AFDN: variants seen among roughly 807,000 people sequenced by gnomAD.
AFDN encodes the protein afadin, adherens junction formation factor.
In AFDN, 68 loss-of-function variants were observed where a neutral mutation model predicts 216.6. That is an observed-to-expected ratio of 0.31 (90% CI 0.26 to 0.38). AFDN has a LOEUF of 0.38. Ranked by LOEUF, AFDN falls within the 10% of genes least tolerant of loss-of-function variation. The pLI is 1.00. For synonymous variants in AFDN, 868 were observed against 853.7 expected (o/e 1.02, Z -0.29); for missense variants, 2,136 against 2,342.0 (o/e 0.91, Z 1.82).
At chr6:167,954,868 A>G (rs1274105564) in intron 30 of AFDN, among the ~76,000 whole-genome samples, 1 of 152,052 alleles carries the variant, frequency 6.6e-6, no homozygotes, top group Non-Finnish European at 1.5e-5. Flanking sequence ...GTTGTTATAA[A>G]CTCAGCTGAA....
intron 8 of AFDN, among the ~76,000 whole-genome samples, chr6:167,892,351 T>TTTGG (rs1261854473): frequency 6.6e-6 from 1 of 152,172 alleles, no homozygotes; most frequent in Non-Finnish European, 1.5e-5. Flanking sequence ...AGCATTGATG[T>TTTGG]TTGGTTGTCT....
chr6:167,893,255 CATT>C (rs1413718015), intron 8 of AFDN, among the ~76,000 whole-genome samples: 1 of 152,174 alleles, frequency 6.6e-6, no homozygotes, highest in Non-Finnish European at 1.5e-5. Flanking sequence ...TTTAGGTTTT[CATT>C]ATTATGCATT....
chr6:167,913,604 T>C, intron 16 of AFDN, 181 bp downstream of exon 16: 1 of 583,640 alleles, frequency 1.7e-6, no homozygotes, highest in Non-Finnish European at 3.0e-6. Flanking sequence ...CATTTCATAA[T>C]TTCTGCTTAA....
chr6:167,827,260 C>A, intron 1 of AFDN, 23 bp downstream of exon 1: 5 of 1,024,978 alleles, frequency 4.9e-6, no homozygotes, highest in Non-Finnish European at 4.8e-6. Flanking sequence ...GGGCGCGGGG[C>A]CTGCGCGACC....
chr6:167,892,033 C>T (rs1787679984), intron 8 of AFDN, among the ~76,000 whole-genome samples: 1 of 152,060 alleles, frequency 6.6e-6, no homozygotes, highest in Non-Finnish European at 1.5e-5. Flanking sequence ...TAGGTTATTG[C>T]AATTAACTAA....
chr6:167,841,967 T>A (rs1005399155), intron 1 of AFDN, among the ~76,000 whole-genome samples: 6 of 152,168 alleles, frequency 3.9e-5, no homozygotes, highest in African/African-American at 1.4e-4. Flanking sequence ...TTTTCTCTTC[T>A]GTTAAAAGGC....
At chr6:167,903,840 C>T (rs943310732) in intron 12 of AFDN, among the ~76,000 whole-genome samples, 7 of 152,200 alleles carry the variant, frequency 4.6e-5, no homozygotes, top group African/African-American at 1.7e-4. Flanking sequence ...GTCAGGGGGA[C>T]TGATGACCTC....
intron 17 of AFDN, 80 bp from the exon 18 acceptor site, chr6:167,914,564 G>T: frequency 9.1e-7 from 1 of 1,095,250 alleles, no homozygotes. Flanking sequence ...TAAGAGTCCA[G>T]ATTGTTTCCC....
In AFDN at chr6:167,915,789, A is replaced by C. The variant is rs557228350; in HGVS notation, c.2565+356A>C. On this transcript the variant is annotated intron_variant, in intron 19 of 33. Coordinates refer to ENST00000683244, the MANE Select transcript of AFDN (RefSeq NM_001386888.1). ...TGTTTTCTGATAATTTAATGTACAC[A>C]AACTTTGTTTCATGCACAAAGTTAT... Among the ~76,000 whole-genome samples, 28 of 152,384 alleles carry C rather than the reference A, an allele frequency of 1.8e-4. No individual in the cohort carries two copies. In the East Asian group the frequency reaches 4.4e-3, roughly 24 times the overall value.
chr6:167,913,030 C>A (rs936031105), intron 15 of AFDN, among the ~76,000 whole-genome samples: 1 of 152,058 alleles, frequency 6.6e-6, no homozygotes, highest in Non-Finnish European at 1.5e-5. Context: ...TTATTAGGTA[C>A]CTTTTAAGTA....
chr6:167,854,278 T>C (rs922725277), intron 1 of AFDN, among the ~76,000 whole-genome samples: 1 of 152,042 alleles, frequency 6.6e-6, no homozygotes, highest in Non-Finnish European at 1.5e-5. Context: ...CCCATTTTTC[T>C]ATTGGGTTAT....
rs147279689 is a variant in AFDN, at chr6:167,847,205, T to C, written c.106-17346T>C. 2.0e-3 allele frequency among the ~76,000 whole-genome samples: 311 copies of C among 152,294 alleles called. 1 individual carries two copies. Among genetic ancestry groups the C allele is most frequent in the African/African-American group, 7.3e-3 (303 of 41,574 alleles). On this transcript the variant is annotated intron_variant, in intron 1 of 33. Transcript: ENST00000683244. Reference sequence around the variant, plus strand: ...CATCAAATTCTTCCTTCACTTGGTCTTCAGGACTGGCCTGTTGCCCAGACC... The same window carrying C: ...CATCAAATTCTTCCTTCACTTGGTCCTCAGGACTGGCCTGTTGCCCAGACC...
intron 16 of AFDN, 191 bp from the exon 17 acceptor site, chr6:167,913,977 C>T (rs919447571): frequency 9.1e-6 from 5 of 551,910 alleles, no homozygotes; most frequent in African/African-American, 5.7e-5. Context: ...GAAATAGTTG[C>T]AGTGGTTATT....
chr6:167,837,835 A>G (rs1424565889), intron 1 of AFDN, among the ~76,000 whole-genome samples: 3 of 152,226 alleles, frequency 2.0e-5, no homozygotes, highest in Admixed American at 1.3e-4. Flanking sequence ...GGTCACTGCA[A>G]TGAAACCAGT....
At position 167,963,000 on chromosome 6, in the gene AFDN, A is replaced by G. The variant is rs1797191095; in HGVS notation, c.4968+433A>G. On this transcript the variant is annotated intron_variant, in intron 31 of 33. Transcript: ENST00000683244. This position sits in a 1 kb window ranked among gnomAD's most constrained non-coding sequence, Gnocchi z 5.2. ...GGCTGCCATTCAACATTTCAAATAG[A>G]TGGTTTACTCAAATCACTCACTTCT... is the stretch of plus-strand genomic sequence containing the variant. The G allele has an allele frequency of 9.2e-7, 1 of 1,087,896 alleles. No homozygotes were observed. The highest frequency in any genetic ancestry group is 4.2e-5 in the South Asian group (1 of 23,774). 67.4% of individuals were successfully genotyped at this position (1,087,896 alleles called of 1,614,324 possible). A position where few individuals can be genotyped will look rare whatever the true frequency, so the allele number is the denominator to read the frequency against.
chr6:167,952,139 G>A lies in AFDN; in HGVS notation c.4785G>A (p.Val1595=), dbSNP rs1796058235. The A allele has an allele frequency of 6.2e-7, 1 of 1,614,148 alleles. No individual in the cohort carries two copies. ...ACGAGGAGGAGGAGGACGATGATGT[G>A]GACACCATGCTGATCATGCAGCGCC... The part of the protein sequence containing the change: ...EDDEEEEDDD[V]DTMLIMQRLE... The change falls in exon 30 of 34, where the codon GTG becomes GTA. Residue 1595 remains valine (V), a synonymous_variant. Transcript: ENST00000683244.
intron 21 of AFDN, among the ~76,000 whole-genome samples, chr6:167,922,455 C>T (rs1166809716): frequency 2.0e-5 from 3 of 152,152 alleles, no homozygotes; most frequent in Admixed American, 6.5e-5. Context: ...ACCCCATGCT[C>T]GTATTGTTTT....
In AFDN at chr6:167,925,208, G is replaced by T. The variant is rs1236541818; in HGVS notation, c.3099+117G>T. 5.5e-6 allele frequency: 4 copies of T among 723,348 alleles called. No individual in the cohort carries two copies. The Admixed American group carries it at 8.8e-5, about 16-fold the overall frequency. 44.8% of individuals were successfully genotyped at this position (723,348 alleles called of 1,614,324 possible). A position where few individuals can be genotyped will look rare whatever the true frequency, so the allele number is the denominator to read the frequency against. On this transcript the variant is annotated intron_variant, in intron 23 of 33. Coordinates refer to ENST00000683244, the MANE Select transcript of AFDN (RefSeq NM_001386888.1). ...CACCTGTGTATAACGTGCCTGTTCAGTTCTGTTTCTGCGTAGGAGAGGAAT... is the reference window on the plus strand; with the variant it reads ...CACCTGTGTATAACGTGCCTGTTCATTTCTGTTTCTGCGTAGGAGAGGAAT...
intron 1 of AFDN, among the ~76,000 whole-genome samples, chr6:167,829,383 TTCTC>T (rs775977263): frequency 6.6e-6 from 1 of 152,186 alleles, no homozygotes; most frequent in Admixed American, 6.5e-5. Flanking sequence ...ATATGAGTAA[TTCTC>T]TCAGCCAGTA....
Sources: gnomAD v4.1 joint callset for allele counts (sites outside exome capture counted in the v4.1 genomes callset) on GRCh38, gnomAD v4.1.1 for gene constraint, Gnocchi (gnomAD v3.1) non-coding constraint, MANE v1.5 for transcripts, NCBI Gene and HGNC (gene_info 2026-07-23, HGNC 2026-07-21) for gene names.